Variants in BLK observed in about 807,000 individuals in gnomAD.
BLK encodes the protein BLK proto-oncogene, Src family tyrosine kinase, also known as tyrosine-protein kinase Blk.
Under a neutral mutation model 61.8 loss-of-function variants are expected in BLK, and 64 were observed. The ratio of observed to expected loss-of-function variants is 1.03; its 90% CI spans 0.85 to 1.27. The LOEUF (loss-of-function observed/expected upper bound fraction) is 1.27, where lower values mean the gene tolerates loss of function less well. BLK is among the 50% of genes most tolerant of loss of function. The pLI, the probability that BLK is intolerant of heterozygous loss-of-function variation, is 0.00. For missense variants in BLK, 853 were observed against 660.5 expected (o/e 1.29, Z -3.19); for synonymous variants, 351 against 272.0 (o/e 1.29, Z -2.86).
chr8:11,496,290 T>C (rs1238940377), intron 1 of BLK, among the ~76,000 whole-genome samples: 1 of 152,146 alleles, frequency 6.6e-6, no homozygotes, highest in Non-Finnish European at 1.5e-5. Context: ...CAGGCTGGAG[T>C]GCAGTGGCAA....
intron 1 of BLK, among the ~76,000 whole-genome samples, chr8:11,530,574 C>G (rs1252623448): frequency 2.6e-5 from 4 of 152,282 alleles, no homozygotes; most frequent in South Asian, 4.1e-4. Context: ...AAAATACTCA[C>G]AAATAATTTC....
chr8:11,557,461 T>G (rs968564721), intron 9 of BLK, among the ~76,000 whole-genome samples: 4 of 152,188 alleles, frequency 2.6e-5, no homozygotes, highest in Non-Finnish European at 5.9e-5. Context: ...AGGGCAAGCA[T>G]CCATCCCTCC....
rs564125415 is a variant in BLK at position 11,513,251 on chromosome 8, G to C, written c.-2+18660G>C. Among the ~76,000 whole-genome samples the C allele has an allele frequency of 5.9e-5, 9 of 152,294 alleles. No homozygotes were observed. The South Asian group carries it at 1.7e-3, about 28-fold the overall frequency. Reference sequence around the variant, plus strand: ...TGAACTAGGACCTCTGTGTCTTGAAGTGGGAGTGGATGGTAGGAAGGGGGA... The same window carrying C: ...TGAACTAGGACCTCTGTGTCTTGAACTGGGAGTGGATGGTAGGAAGGGGGA... On this transcript the variant is annotated intron_variant, in intron 1 of 12. Transcript: ENST00000259089.
chr8:11,499,288 G>C (rs983832494), intron 1 of BLK, among the ~76,000 whole-genome samples: 3 of 152,220 alleles, frequency 2.0e-5, no homozygotes, highest in East Asian at 1.9e-4. Context: ...CCTAGGGGTG[G>C]AGTAGGCTCT....
At chr8:11,550,866 C>T (rs112149520) in intron 6 of BLK, among the ~76,000 whole-genome samples, 313 of 152,312 alleles carry the variant, frequency 2.1e-3, no homozygotes, top group African/African-American at 7.1e-3. Flanking sequence ...ATATAAAACA[C>T]ATATAAAGCT....
chr8:11,516,241 G>A (rs1054914996), intron 1 of BLK, among the ~76,000 whole-genome samples: 1 of 152,226 alleles, frequency 6.6e-6, no homozygotes, highest in Admixed American at 6.5e-5. Flanking sequence ...GAACGGGGGT[G>A]CGAGAGCCTG....
intron 1 of BLK, among the ~76,000 whole-genome samples, chr8:11,535,632 T>C (rs1251109778): frequency 1.3e-5 from 2 of 152,242 alleles, no homozygotes; most frequent in African/African-American, 2.4e-5. Flanking sequence ...TAACCACTAA[T>C]GGGACTTTTA....
At chr8:11,535,900 A>G (rs891801857) in intron 1 of BLK, among the ~76,000 whole-genome samples, 1 of 152,222 alleles carries the variant, frequency 6.6e-6, no homozygotes, top group African/African-American at 2.4e-5. Flanking sequence ...GCAAAATCCA[A>G]AATGGAGAAC....
At chr8:11,538,072 A>G (rs1032300112) in intron 1 of BLK, among the ~76,000 whole-genome samples, 8 of 152,096 alleles carry the variant, frequency 5.3e-5, no homozygotes, top group Admixed American at 1.3e-4. Flanking sequence ...GTGCACACAT[A>G]GACACACACA....
chr8:11,531,236 A>G (rs1799875630), intron 1 of BLK, among the ~76,000 whole-genome samples: 1 of 152,152 alleles, frequency 6.6e-6, no homozygotes. Context: ...GTTTTTCAAA[A>G]ATGTCCTGCC....
chr8:11,516,099 C>T (rs1024600603), intron 1 of BLK, among the ~76,000 whole-genome samples: 3 of 152,216 alleles, frequency 2.0e-5, no homozygotes, highest in Non-Finnish European at 4.4e-5. Flanking sequence ...GAAGGAAATT[C>T]CTTCACATAC....
intron 1 of BLK, among the ~76,000 whole-genome samples, chr8:11,502,612 T>A (rs1455905030): frequency 1.3e-5 from 2 of 152,180 alleles, no homozygotes; most frequent in East Asian, 3.8e-4. Context: ...ACCTTAATCT[T>A]GCATAATGAT....
At chr8:11,511,184 G>T (rs1200208980) in intron 1 of BLK, among the ~76,000 whole-genome samples, 1 of 152,146 alleles carries the variant, frequency 6.6e-6, no homozygotes, top group Non-Finnish European at 1.5e-5. Context: ...CAACGGAGTG[G>T]GAGACTTCAG....
chr8:11,514,419 C>T (rs1799142991), intron 1 of BLK, among the ~76,000 whole-genome samples: 1 of 152,228 alleles, frequency 6.6e-6, no homozygotes, highest in South Asian at 2.1e-4. Flanking sequence ...AAGAGCCCCG[C>T]AATGGCCTCC....
chr8:11,559,168 C>A (rs373633149), intron 10 of BLK, among the ~76,000 whole-genome samples: 4 of 152,164 alleles, frequency 2.6e-5, no homozygotes, highest in African/African-American at 9.7e-5. Flanking sequence ...GAAAAGCCAT[C>A]GGAGTTTAAT....
At chr8:11,558,147 G>A in intron 10 of BLK, 109 bp downstream of exon 10, 4 of 1,089,830 alleles carry the variant, frequency 3.7e-6, no homozygotes, top group Non-Finnish European at 4.1e-6. Flanking sequence ...AGAAGTCAGG[G>A]GGTACTGAAG....
chr8:11,538,820 T>G (rs2117419507), intron 1 of BLK, among the ~76,000 whole-genome samples: 1 of 152,344 alleles, frequency 6.6e-6, no homozygotes, highest in South Asian at 2.1e-4. Context: ...TTAACGGTCA[T>G]TGTCAAGAAC....
chr8:11,563,468 T>G (rs888230232), intron 12 of BLK, among the ~76,000 whole-genome samples: 4 of 152,212 alleles, frequency 2.6e-5, no homozygotes, highest in African/African-American at 9.6e-5. Context: ...CCCCTTCCTG[T>G]GTGGCCAGAA....
At chr8:11,520,279 C>G (rs1799389353) in intron 1 of BLK, among the ~76,000 whole-genome samples, 1 of 151,804 alleles carries the variant, frequency 6.6e-6, no homozygotes, top group South Asian at 2.1e-4. Context: ...GACTTCGAGA[C>G]CAGTGTGGTC....
Sources: allele counts gnomAD v4.1 joint callset (sites outside exome capture counted in the v4.1 genomes callset), GRCh38; gene constraint gnomAD v4.1.1; transcripts MANE v1.5; gene names NCBI Gene and HGNC (gene_info 2026-07-23, HGNC 2026-07-21).